Variants in VTCN1 observed in about 807,000 individuals in gnomAD.
The protein encoded by VTCN1 is V-set domain containing T cell activation inhibitor 1, also known as V-set domain-containing T-cell activation inhibitor 1.
A neutral mutation model predicts 26.5 loss-of-function variants in VTCN1; 26 were observed. That is an observed-to-expected ratio of 0.98 (90% CI 0.72 to 1.36). VTCN1 has a LOEUF of 1.36. VTCN1 is among the 40% of genes most tolerant of loss of function. The pLI, the probability that VTCN1 is intolerant of heterozygous loss-of-function variation, is 0.00. For missense variants in VTCN1, 298 were observed against 337.7 expected (o/e 0.88, Z 0.92); for synonymous variants, 116 against 130.7 (o/e 0.89, Z 0.77).
At chr1:117,179,889 T>C (rs1012808115) in intron 1 of VTCN1, among the ~76,000 whole-genome samples, 1 of 152,192 alleles carries the variant, frequency 6.6e-6, no homozygotes, top group African/African-American at 2.4e-5. Flanking sequence ...TGAGGCCTAA[T>C]GTTAAGTAAT....
chr1:117,171,099 T>C (rs1041895251), intron 1 of VTCN1, among the ~76,000 whole-genome samples: 44 of 151,730 alleles, frequency 2.9e-4, no homozygotes, highest in Admixed American at 5.9e-4. Context: ...TGAGAACATG[T>C]GGTGTTTGGT....
intron 1 of VTCN1, among the ~76,000 whole-genome samples, chr1:117,179,138 G>A (rs940214022): frequency 5.9e-5 from 9 of 152,154 alleles, no homozygotes; most frequent in Non-Finnish European, 8.8e-5. Flanking sequence ...CTCAAACTCC[G>A]TACTACGAAC....
Position 117,159,766 on chromosome 1 carries a change from T to A in VTCN1, c.98-2845A>T, listed in dbSNP as rs2358818. On this transcript the variant is annotated intron_variant, in intron 2 of 5. Coordinates refer to ENST00000369458, the MANE Select transcript of VTCN1 (RefSeq NM_024626.4). This position sits in a 1 kb window ranked among gnomAD's most constrained non-coding sequence, Gnocchi z 4.7. Reference sequence around the variant, plus strand: ...AACTTTTATTTCTGTTTGAATGACATAGAAACTAAGGCAGTGAGAAAATAA... The same window carrying A: ...AACTTTTATTTCTGTTTGAATGACAAAGAAACTAAGGCAGTGAGAAAATAA... 0.2 allele frequency among the ~76,000 whole-genome samples: 30,308 copies of A among 152,194 alleles called. 5,763 individuals carry two copies. Among genetic ancestry groups the A allele is most frequent in the African/African-American group, 0.51 (20,984 of 41,490 alleles).
intron 1 of VTCN1, among the ~76,000 whole-genome samples, chr1:117,197,461 A>G (rs761517087): frequency 2.6e-5 from 4 of 152,212 alleles, no homozygotes; most frequent in Non-Finnish European, 5.9e-5. Flanking sequence ...AACTAAGTCA[A>G]ATGGAAACAC....
intron 1 of VTCN1, among the ~76,000 whole-genome samples, chr1:117,193,349 T>C (rs76095826): frequency 0.11 from 16,270 of 152,124 alleles, 939 homozygotes; most frequent in East Asian, 0.16. Context: ...CAATATGCTG[T>C]CTACAAGAAA....
At chr1:117,158,362 C>A (rs1009885284) in intron 2 of VTCN1, among the ~76,000 whole-genome samples, 2 of 152,248 alleles carry the variant, frequency 1.3e-5, no homozygotes, top group African/African-American at 4.8e-5. Context: ...GGTTCGCAAA[C>A]CCCAATTCTT....
In VTCN1 at chr1:117,164,333, C is replaced by T. The variant is rs959930176; in HGVS notation, c.97+5774G>A. ...TTGTCTAAGTCATTCTTTGGTCTTT[C>T]AACAGCTTCCCAGTTCTGGCAGGGG... On this transcript the variant is annotated intron_variant, in intron 2 of 5. Transcript: ENST00000369458. Among the ~76,000 whole-genome samples the T allele has an allele frequency of 7.9e-5, 12 of 151,950 alleles. 1 individual carries two copies. In the South Asian group the frequency reaches 2.5e-3, roughly 32 times the overall value.
At chr1:117,189,088 G>A (rs1648107155) in intron 1 of VTCN1, among the ~76,000 whole-genome samples, 1 of 152,104 alleles carries the variant, frequency 6.6e-6, no homozygotes, top group South Asian at 2.1e-4. Context: ...AATATCAAAG[G>A]CATTACATGG....
rs1470570199 is a variant in VTCN1 at position 117,144,017 on chromosome 1, T to C, written c.*1254A>G. 4.6e-5 allele frequency: 7 copies of C among 152,218 alleles called. No individual in the cohort carries two copies. Among genetic ancestry groups the C allele is most frequent in the South Asian group, 2.1e-4 (1 of 4,830 alleles). The allele number at this position is 152,218 out of a possible 1,614,324, so 9.4% of individuals were successfully genotyped here. A position where few individuals can be genotyped will look rare whatever the true frequency, so the allele number is the denominator to read the frequency against. ...AGATAATCCCATCAGGCATTTCCCA[T>C]AGGCCTTGTCAACTCTGTTCACTGA... On this transcript the variant is annotated 3_prime_UTR_variant, in exon 6 of 6. Transcript: ENST00000369458.
intron 1 of VTCN1, among the ~76,000 whole-genome samples, chr1:117,173,845 T>C (rs2101532927): frequency 6.6e-6 from 1 of 152,358 alleles, no homozygotes; most frequent in Admixed American, 6.5e-5. Context: ...ATGGAAGTTG[T>C]GCATTTCGGC....
chr1:117,173,391 A>C (rs911908051), intron 1 of VTCN1: 1 of 320,244 alleles, frequency 3.1e-6, no homozygotes, highest in Admixed American at 5.3e-5. Flanking sequence ...CACACACACA[A>C]CACCATGTAA....
rs748995777 is a variant in VTCN1, at chr1:117,146,136, G to A, written c.*46-911C>T. 8.5e-5 allele frequency among the ~76,000 whole-genome samples: 13 copies of A among 152,156 alleles called. No homozygotes were observed. Among genetic ancestry groups the A allele is most frequent in the Non-Finnish European group, 1.8e-4 (12 of 68,044 alleles). ...CTAAGGGAATACAAGGTAAAGATGA[G>A]TCAGCTATGTTATATAGGACATATT... On this transcript the variant is annotated intron_variant, in intron 5 of 5. Transcript: ENST00000369458. The surrounding 1 kb of genome is among the most constrained non-coding windows in gnomAD (Gnocchi z 4.2).
chr1:117,207,077 CT>C (rs1333311462), intron 1 of VTCN1, among the ~76,000 whole-genome samples: 41 of 152,268 alleles, frequency 2.7e-4, no homozygotes, highest in Non-Finnish European at 5.1e-4. Flanking sequence ...TTGCGAGGCA[CT>C]GTTTTCTCTG....
intron 4 of VTCN1, among the ~76,000 whole-genome samples, chr1:117,148,399 T>C (rs1452983223): frequency 6.6e-6 from 1 of 152,180 alleles, no homozygotes; most frequent in Non-Finnish European, 1.5e-5. Context: ...TTCATAGGGT[T>C]CTTATGAGGA....
intron 1 of VTCN1, among the ~76,000 whole-genome samples, chr1:117,187,721 A>C (rs1648017114): frequency 1.3e-5 from 2 of 152,188 alleles, no homozygotes; most frequent in Non-Finnish European, 2.9e-5. Flanking sequence ...GTGTAACAGG[A>C]TGTTACATTT....
At chr1:117,191,981 T>C (rs1648267170) in intron 1 of VTCN1, among the ~76,000 whole-genome samples, 1 of 151,092 alleles carries the variant, frequency 6.6e-6, no homozygotes, top group African/African-American at 2.4e-5. Context: ...GGAAATGTAG[T>C]AGTTGAAAAT....
chr1:117,163,394 C>T (rs773842280), intron 2 of VTCN1, among the ~76,000 whole-genome samples: 2 of 152,166 alleles, frequency 1.3e-5, no homozygotes, highest in Non-Finnish European at 2.9e-5. Context: ...TGATACAATG[C>T]AGGTAAAGTG....
Position 117,156,898 on chromosome 1 carries a change from T to C in VTCN1, c.121A>G (p.Thr41Ala). The C allele has an allele frequency of 6.2e-7, 1 of 1,613,974 alleles. No individual in the cohort carries two copies. The highest frequency in any genetic ancestry group is 8.5e-7 in the Non-Finnish European group (1 of 1,179,998). The change falls in exon 3 of 6, where the codon ACT becomes GCT. Residue 41 changes from threonine to alanine, a missense_variant. Physicochemically the swap from Thr to Ala is moderately conservative, Grantham distance 58. Coordinates refer to ENST00000369458, the MANE Select transcript of VTCN1 (RefSeq NM_024626.4). Reference sequence around the variant, plus strand: ...CCAATGTTCCCAGCTGAGGCGACAGTAGTGACTGTGATGGAGTGTCTCCCT... The same window carrying C: ...CCAATGTTCCCAGCTGAGGCGACAGCAGTGACTGTGATGGAGTGTCTCCCT... Reference protein sequence around the residue: ...ISGRHSITVTTVASAGNIGED... With the variant: ...ISGRHSITVTAVASAGNIGED...
intron 1 of VTCN1, among the ~76,000 whole-genome samples, chr1:117,205,257 A>G (rs1370273538): frequency 6.6e-6 from 1 of 151,574 alleles, no homozygotes; most frequent in African/African-American, 2.4e-5. Flanking sequence ...CACAGGCTCA[A>G]GCAATTCTCC....
Sources: gnomAD v4.1 joint callset for allele counts (sites outside exome capture counted in the v4.1 genomes callset) on GRCh38, gnomAD v4.1.1 for gene constraint, Gnocchi (gnomAD v3.1) non-coding constraint, MANE v1.5 for transcripts, NCBI Gene and HGNC (gene_info 2026-07-23, HGNC 2026-07-21) for gene names.